Variants in GIPC1 observed in about 807,000 individuals in gnomAD.
GIPC1 encodes the protein GIPC PDZ domain containing family member 1.
GIPC1 carries 15 observed loss-of-function variants against 28.5 expected under a neutral mutation model. The ratio of observed to expected loss-of-function variants is 0.53; its 90% confidence interval spans 0.35 to 0.81. The LOEUF is 0.81. Ranked by LOEUF, GIPC1 falls within the 30% of genes least tolerant of loss-of-function variation. GIPC1 has a pLI of 0.01. For missense variants in GIPC1, 439 were observed against 481.9 expected, an observed-to-expected ratio of 0.91 and a Z score of 0.83; for synonymous variants, 224 against 206.1, an observed-to-expected ratio of 1.09 and a Z score of -0.74.
rs1380870549 is a variant in GIPC1 at position 14,480,428 on chromosome 19, T to C, written c.532A>G (p.Ile178Val). Residue 178 changes from isoleucine (I) to valine (V), a missense_variant, in exon 6 of 9, where the codon ATC (isoleucine) becomes GTC (valine). Transcript: ENST00000393033. ...HIHLISVGDMIEAINGQSLLG... is the reference protein window; with the variant it reads ...HIHLISVGDMVEAINGQSLLG... Reference sequence around the variant, plus strand: ...AGGCTCTGCCCGTTAATGGCCTCGATCATGTCGCCCACGCTGATGAGGTGG... The same window carrying C: ...AGGCTCTGCCCGTTAATGGCCTCGACCATGTCGCCCACGCTGATGAGGTGG... 1 of 1,613,756 alleles carries C rather than the reference T, an allele frequency of 6.2e-7. No individual in the cohort carries two copies. Among genetic ancestry groups the C allele is most frequent in the Non-Finnish European group, 8.5e-7 (1 of 1,179,914 alleles).
intron 4 of GIPC1, among the ~76,000 whole-genome samples, chr19:14,481,360 C>T (rs1454033443): frequency 6.6e-6 from 1 of 152,178 alleles, no homozygotes; most frequent in Non-Finnish European, 1.5e-5. Flanking sequence ...CCCCCCATCT[C>T]AACCTCCCAA....
intron 6 of GIPC1, chr19:14,479,737 G>A (rs2071684248): frequency 2.3e-6 from 1 of 430,282 alleles, no homozygotes; most frequent in Admixed American, 4.1e-5. Flanking sequence ...ACAGCTGGGG[G>A]CCAGGAATAG....
chr19:14,480,686 C>T lies in GIPC1; in HGVS notation c.381G>A (p.Val127=), dbSNP rs201749519. ...CCTCCACCTCCTTGCGCTGCCCCTT[C>T]ACGTGGGCGAAGATGAAGTCCTCCA... The part of the protein sequence containing the change: ...IGLEDFIFAH[V]KGQRKEVEVF... The change falls in exon 5 of 9, where the codon GTG becomes GTA. Residue 127 remains valine, a synonymous_variant. Transcript: ENST00000393033. 2 of 1,614,186 alleles carry T rather than the reference C, an allele frequency of 1.2e-6. No homozygotes were observed. The highest frequency in any genetic ancestry group is 2.7e-5 in the African/African-American group (2 of 75,072).
rs775497867 is a variant in GIPC1, at chr19:14,478,427, C to T, written c.991G>A (p.Gly331Ser). 2.7e-5 allele frequency: 44 copies of T among 1,608,800 alleles called. No individual in the cohort carries two copies. The highest frequency in any genetic ancestry group is 6.7e-5 in the African/African-American group (5 of 74,810). ...GTCCGGGGGCAGTCCTAGTAGCGGC[C>T]GACCTTGGCGTCCCCAATGGCGCCC... ...VWGAIGDAKV[G>S]RY Residue 331 changes from glycine to serine, a missense_variant, in exon 9 of 9, where the codon GGC (glycine) becomes AGC (serine). Physicochemically the swap from Gly to Ser is moderately conservative, Grantham distance 56 (BLOSUM62 0). Transcript: ENST00000393033. This position sits in a 1 kb window ranked among gnomAD's most constrained non-coding sequence, Gnocchi z 5.2.
chr19:14,492,370 G>A (rs1239141055), intron 2 of GIPC1, among the ~76,000 whole-genome samples: 10 of 151,632 alleles, frequency 6.6e-5, no homozygotes, highest in African/African-American at 9.7e-5. Flanking sequence ...GCAGTGGCAC[G>A]ATCTCAGCTC....
intron 3 of GIPC1, among the ~76,000 whole-genome samples, chr19:14,485,702 T>TAGAGAGAG (rs747570310): frequency 9.9e-4 from 58 of 58,744 alleles, no homozygotes; most frequent in South Asian, 5.2e-3. Context: ...TATATATATA[T>TAGAGAGAG]AGAGAGAGAG....
In GIPC1 at chr19:14,478,304, T is replaced by G. The variant is rs369874122; in HGVS notation, c.*112A>C. 58 of 1,124,534 alleles carry G rather than the reference T, an allele frequency of 5.2e-5. 1 individual carries two copies. In the African/African-American group the frequency reaches 6.7e-4, roughly 13 times the overall value. The allele number at this position is 1,124,534 out of a possible 1,614,324, so 69.7% of individuals were successfully genotyped here. A position where few individuals can be genotyped will look rare whatever the true frequency, so the allele number is the denominator to read the frequency against. On this transcript the variant is annotated 3_prime_UTR_variant, in exon 9 of 9. Coordinates refer to ENST00000393033, the MANE Select transcript of GIPC1 (RefSeq NM_005716.4). The surrounding 1 kb of genome is among the most constrained non-coding windows in gnomAD (Gnocchi z 5.2). ...CCCCACCTCCCCTCACCATCGTCCT[T>G]GGGCTGCTGAGCTAGGCTCAGGCTG...
chr19:14,488,194 T>C (rs1294183618), intron 3 of GIPC1, among the ~76,000 whole-genome samples: 1 of 152,182 alleles, frequency 6.6e-6, no homozygotes, highest in Non-Finnish European at 1.5e-5. Flanking sequence ...CTCAAGCCTG[T>C]AATCCCAGCA....
rs556433713 is a variant in GIPC1, at chr19:14,490,350, A to C, written c.-31+1306T>G. On this transcript the variant is annotated intron_variant, in intron 3 of 8. Coordinates refer to ENST00000393033, the MANE Select transcript of GIPC1 (RefSeq NM_005716.4). Reference sequence around the variant, plus strand: ...CATTGCACTCCAGCCTGGGCAACAGAGAGAGACTCAGTCTCAAAAAGAAAA... The same window carrying C: ...CATTGCACTCCAGCCTGGGCAACAGCGAGAGACTCAGTCTCAAAAAGAAAA... Among the ~76,000 whole-genome samples, 27 of 146,612 alleles carry C rather than the reference A, an allele frequency of 1.8e-4. No homozygotes were observed. The East Asian group carries it at 5.3e-3, about 29-fold the overall frequency.
At chr19:14,491,384 G>C (rs1325604834) in intron 3 of GIPC1, among the ~76,000 whole-genome samples, 1 of 151,878 alleles carries the variant, frequency 6.6e-6, no homozygotes, top group East Asian at 1.9e-4. Context: ...TCAGCCTCCT[G>C]AGTAGCTGGG....
chr19:14,490,845 C>T (rs1209138955), intron 3 of GIPC1, among the ~76,000 whole-genome samples: 4 of 150,858 alleles, frequency 2.7e-5, no homozygotes, highest in African/African-American at 7.3e-5. Context: ...CGTGGTGGCA[C>T]ACACCTGTAG....
intron 2 of GIPC1, among the ~76,000 whole-genome samples, 153 bp from the exon 3 acceptor site, chr19:14,491,896 C>T (rs1037792078): frequency 1.9e-4 from 29 of 152,114 alleles, no homozygotes; most frequent in Non-Finnish European, 2.5e-4. Flanking sequence ...TGAGCCACCA[C>T]GCCCAGCCAT....
chr19:14,484,603 G>A (rs560525555), intron 3 of GIPC1, among the ~76,000 whole-genome samples: 70 of 151,728 alleles, frequency 4.6e-4, no homozygotes, highest in African/African-American at 1.6e-3. Context: ...AAAATTAGCC[G>A]GGTGTGGTGG....
At chr19:14,482,590 T>G (rs2071752922) in intron 4 of GIPC1, 99 bp downstream of exon 4, 1 of 1,215,992 alleles carries the variant, frequency 8.2e-7, no homozygotes, top group Non-Finnish European at 1.2e-6. Context: ...GCTCAGCATC[T>G]GCAGCTTCAG....
chr19:14,483,747 TCAA>T (rs1028441031), intron 3 of GIPC1, among the ~76,000 whole-genome samples: 1 of 115,980 alleles, frequency 8.6e-6, no homozygotes, highest in African/African-American at 3.3e-5. Flanking sequence ...AGACTCTGTC[TCAA>T]TAATAATAAT....
chr19:14,484,442 TGAC>T (rs1427561945), intron 3 of GIPC1, among the ~76,000 whole-genome samples: 1 of 151,288 alleles, frequency 6.6e-6, no homozygotes, highest in Admixed American at 6.6e-5. Flanking sequence ...AATGCTCAGC[TGAC>T]GTTTTAAAAC....
intron 1 of GIPC1, among the ~76,000 whole-genome samples, chr19:14,495,781 G>A (rs957271896): frequency 6.6e-6 from 1 of 152,094 alleles, no homozygotes; most frequent in Non-Finnish European, 1.5e-5. Flanking sequence ...GGGACGGGGG[G>A]AGGGGCAAGC....
At chr19:14,493,416 C>T (rs2146496117) in intron 1 of GIPC1, among the ~76,000 whole-genome samples, 1 of 152,220 alleles carries the variant, frequency 6.6e-6, no homozygotes, top group South Asian at 2.1e-4. Context: ...CATGTGATTC[C>T]AAACTTGGTC....
chr19:14,480,638 G>C lies in GIPC1; in HGVS notation c.429C>G (p.Leu143=), dbSNP rs767290686. The change falls in exon 5 of 9, where the codon CTC becomes CTG. Residue 143 remains leucine (L), a synonymous_variant. Coordinates refer to ENST00000393033, the MANE Select transcript of GIPC1 (RefSeq NM_005716.4). ...EVEVFKSEDA[L]GLTITDNGAG... ...CCCCGTTGTCCGTGATGGTGAGCCC[G>C]AGTGCATCCTCCGACTTGAACACCT... is the stretch of plus-strand genomic sequence containing the variant. 5.6e-6 allele frequency: 9 copies of C among 1,614,200 alleles called. No homozygotes were observed. The highest frequency in any genetic ancestry group is 2.2e-5 in the East Asian group (1 of 44,886).
Sources: allele counts gnomAD v4.1 joint callset (sites outside exome capture counted in the v4.1 genomes callset), GRCh38; gene constraint gnomAD v4.1.1; non-coding constraint Gnocchi (gnomAD v3.1); transcripts MANE v1.5; gene names NCBI Gene and HGNC (gene_info 2026-07-23, HGNC 2026-07-21).